Variants in CSMD1 observed in about 807,000 individuals in gnomAD.
CSMD1 encodes CUB and Sushi multiple domains 1.
CSMD1 carries 213 observed loss-of-function variants against 417.5 expected under a neutral mutation model. The observed-to-expected ratio is 0.51, with a 90% confidence interval of 0.46 to 0.57. The LOEUF (loss-of-function observed/expected upper bound fraction) is 0.57, where lower values mean the gene tolerates loss of function less well. CSMD1 is among the 20% of genes least tolerant of loss of function. CSMD1 has a pLI of 0.00. For synonymous variants in CSMD1, 2,862 were observed against 1,736.8 expected, an observed-to-expected ratio of 1.65 and a Z score of -16.11; for missense variants, 6,923 against 4,529.7, an observed-to-expected ratio of 1.53 and a Z score of -15.17.
rs570350228 is a variant in CSMD1 at position 4,839,650 on chromosome 8, G to C, written c.85+154682C>G. Among the ~76,000 whole-genome samples, 6 of 152,098 alleles carry C rather than the reference G, an allele frequency of 3.9e-5. No individual in the cohort carries two copies. In the South Asian group the frequency reaches 6.2e-4, roughly 16 times the overall value. On this transcript the variant is annotated intron_variant, in intron 1 of 69. Transcript: ENST00000635120. ...AGAACTTGTTCCTCACACATGGTTG[G>C]GCATGAAACTAAGACATCAGATTTC...
At chr8:3,491,405 T>C (rs573530808) in intron 11 of CSMD1, among the ~76,000 whole-genome samples, 18 of 152,356 alleles carry the variant, frequency 1.2e-4, no homozygotes, top group African/African-American at 4.3e-4. Flanking sequence ...AAATGTATTA[T>C]GCATTTAACA....
chr8:3,910,220 C>T (rs1439229019), intron 5 of CSMD1, among the ~76,000 whole-genome samples: 1 of 152,050 alleles, frequency 6.6e-6, no homozygotes, highest in Admixed American at 6.6e-5. Context: ...TCATGCAGTT[C>T]AGTGAATTGT....
At chr8:3,362,941 C>G (rs1809293643) in intron 20 of CSMD1, among the ~76,000 whole-genome samples, 1 of 152,180 alleles carries the variant, frequency 6.6e-6, no homozygotes. Context: ...TGAAAAAGCT[C>G]AGATCATGTC....
chr8:4,228,470 G>A (rs774163600), intron 3 of CSMD1, among the ~76,000 whole-genome samples: 1 of 151,916 alleles, frequency 6.6e-6, no homozygotes, highest in Non-Finnish European at 1.5e-5. Context: ...GCACCACACA[G>A]CTTCCACTGT....
intron 3 of CSMD1, among the ~76,000 whole-genome samples, chr8:4,167,424 G>C (rs1024284847): frequency 6.6e-6 from 1 of 152,012 alleles, no homozygotes. Context: ...TAAAAGAAAT[G>C]GTAATAGAAA....
In CSMD1 at chr8:4,455,052, T is replaced by A. The variant is rs532125849; in HGVS notation, c.303-34987A>T. ...CGCTGTCATCAACACAATATCACCATGTTTAGGCTGGGAAACTTCGTGCTA... is the reference window on the plus strand; with the variant it reads ...CGCTGTCATCAACACAATATCACCAAGTTTAGGCTGGGAAACTTCGTGCTA... On this transcript the variant is annotated intron_variant, in intron 2 of 69. Coordinates refer to ENST00000635120, the MANE Select transcript of CSMD1 (RefSeq NM_033225.6). Among the ~76,000 whole-genome samples, 6 of 152,236 alleles carry A rather than the reference T, an allele frequency of 3.9e-5. No individual in the cohort carries two copies. The East Asian group carries it at 9.7e-4, about 25-fold the overall frequency.
intron 1 of CSMD1, among the ~76,000 whole-genome samples, chr8:4,905,565 A>T (rs572078189): frequency 1.3e-5 from 2 of 152,232 alleles, no homozygotes; most frequent in Admixed American, 6.5e-5. Flanking sequence ...CACATCTGTA[A>T]TCCCAGCACT....
chr8:2,966,776 A>G (rs1803998654), intron 57 of CSMD1, 30 bp from the exon 58 acceptor site: 2 of 1,604,088 alleles, frequency 1.2e-6, no homozygotes, highest in African/African-American at 1.3e-5. Flanking sequence ...ACCACCACAC[A>G]CAGTGAGTGA....
intron 25 of CSMD1, among the ~76,000 whole-genome samples, chr8:3,293,185 C>T (rs554623565): frequency 2.4e-4 from 36 of 152,184 alleles, no homozygotes; most frequent in African/African-American, 7.0e-4. Flanking sequence ...GAGTTTTTGC[C>T]GAGAGATCCG....
At chr8:3,821,951 C>T (rs893835329) in intron 5 of CSMD1, among the ~76,000 whole-genome samples, 4 of 152,266 alleles carry the variant, frequency 2.6e-5, no homozygotes, top group African/African-American at 9.6e-5. Flanking sequence ...CCTACATTTC[C>T]AGGCCCTTCT....
At chr8:3,234,658 T>C (rs1337874663) in intron 26 of CSMD1, among the ~76,000 whole-genome samples, 1 of 152,138 alleles carries the variant, frequency 6.6e-6, no homozygotes, top group Non-Finnish European at 1.5e-5. Context: ...AAGAGAAGCC[T>C]GGGAGAGCAG....
intron 3 of CSMD1, among the ~76,000 whole-genome samples, chr8:4,249,094 A>G (rs1409192701): frequency 6.6e-6 from 1 of 152,202 alleles, no homozygotes; most frequent in East Asian, 1.9e-4. Flanking sequence ...GATCACCACT[A>G]CAGACTTCTC....
chr8:3,934,796 A>G lies in CSMD1; in HGVS notation c.818+63107T>C, dbSNP rs550179113. The stretch of plus-strand genomic sequence containing the variant: ...TGGGAAGCAGAGGTTACAGTGAGCC[A>G]AAATCACGCCACTGCACTCCAGCCT... On this transcript the variant is annotated intron_variant, in intron 5 of 69. Transcript: ENST00000635120. Among the ~76,000 whole-genome samples, 5 of 152,258 alleles carry G rather than the reference A, an allele frequency of 3.3e-5. 1 individual carries two copies. In the South Asian group the frequency reaches 8.3e-4, roughly 25 times the overall value.
chr8:3,274,468 G>C (rs1244143951), intron 26 of CSMD1, among the ~76,000 whole-genome samples: 1 of 152,102 alleles, frequency 6.6e-6, no homozygotes, highest in Non-Finnish European at 1.5e-5. Context: ...GCTGAGTTAA[G>C]TTCCTGGGTA....
chr8:3,723,276 T>C (rs1456387281), intron 6 of CSMD1, among the ~76,000 whole-genome samples: 1 of 152,156 alleles, frequency 6.6e-6, no homozygotes, highest in South Asian at 2.1e-4. Flanking sequence ...ATTCGAATCC[T>C]CCTCACACTC....
intron 31 of CSMD1, among the ~76,000 whole-genome samples, chr8:3,203,944 A>G (rs568015413): frequency 6.6e-6 from 1 of 152,210 alleles, no homozygotes; most frequent in East Asian, 1.9e-4. Flanking sequence ...CTCACCCCTC[A>G]CCATAAGCCT....
chr8:4,975,409 T>C (rs1377194985), intron 1 of CSMD1, among the ~76,000 whole-genome samples: 1 of 152,238 alleles, frequency 6.6e-6, no homozygotes, highest in East Asian at 1.9e-4. Context: ...AGCGGCCTTA[T>C]TGAATGTGGG....
chr8:4,551,829 C>A (rs560156696), intron 2 of CSMD1, among the ~76,000 whole-genome samples: 1 of 151,818 alleles, frequency 6.6e-6, no homozygotes, highest in Non-Finnish European at 1.5e-5. Context: ...CTGGCTTATG[C>A]CACTACACAT....
At chr8:3,508,810 A>C (rs1378778355) in intron 10 of CSMD1, among the ~76,000 whole-genome samples, 3 of 152,178 alleles carry the variant, frequency 2.0e-5, no homozygotes, top group Non-Finnish European at 2.9e-5. Context: ...CGCTTTTCCC[A>C]TTATGGAAAG....
Sources: gnomAD v4.1 joint callset for allele counts (sites outside exome capture counted in the v4.1 genomes callset) on GRCh38, gnomAD v4.1.1 for gene constraint, MANE v1.5 for transcripts, NCBI Gene and HGNC (gene_info 2026-07-23, HGNC 2026-07-21) for gene names.